Variants in SPATA13 observed in about 807,000 individuals in gnomAD.
SPATA13 encodes spermatogenesis associated 13, also known as spermatogenesis-associated protein 13.
Under a neutral mutation model 104.0 loss-of-function variants are expected in SPATA13, and 50 were observed. The observed-to-expected ratio is 0.48, with a 90% CI of 0.38 to 0.61. The LOEUF is 0.61. Among genes scored for constraint, SPATA13 ranks in the 20% least tolerant of loss-of-function variants. The probability of loss-of-function intolerance (pLI) is 0.00; values close to 1 mark genes in which losing one functional copy is unlikely to be tolerated. For synonymous variants in SPATA13, 606 were observed against 667.5 expected (o/e 0.91, Z 1.42); for missense variants, 1,524 against 1,690.6 (o/e 0.90, Z 1.73).
chr13:24,123,920 T>G, intron 3 of SPATA13: 1 of 590,686 alleles, frequency 1.7e-6, no homozygotes. Context: ...CCTAACTCAT[T>G]TCCTCTTTCA....
intron 4 of SPATA13, among the ~76,000 whole-genome samples, chr13:24,270,437 T>A (rs1874518609): frequency 6.6e-6 from 1 of 152,236 alleles, no homozygotes; most frequent in Non-Finnish European, 1.5e-5. Context: ...TGTGCTTTTC[T>A]CTTGTGAAAT....
chr13:24,140,930 C>T (rs762348645), intron 3 of SPATA13, among the ~76,000 whole-genome samples: 49 of 152,202 alleles, frequency 3.2e-4, no homozygotes, highest in Non-Finnish European at 5.6e-4. Flanking sequence ...AACGCCAGCA[C>T]TTTGGGATTA....
At chr13:24,103,361 C>A (rs1374744525) in intron 3 of SPATA13, among the ~76,000 whole-genome samples, 2 of 151,296 alleles carry the variant, frequency 1.3e-5, no homozygotes, top group Admixed American at 6.6e-5. Flanking sequence ...TGGCTTGCAC[C>A]TTAATCTCAG....
At chr13:24,080,401 G>A (rs1327348902) in intron 3 of SPATA13, among the ~76,000 whole-genome samples, 7 of 152,224 alleles carry the variant, frequency 4.6e-5, no homozygotes, top group Non-Finnish European at 7.3e-5. Flanking sequence ...AGCTTTGGCG[G>A]CTTGGGCCCA....
chr13:24,040,240 C>T (rs2137727627), intron 3 of SPATA13, among the ~76,000 whole-genome samples: 1 of 152,280 alleles, frequency 6.6e-6, no homozygotes, highest in African/African-American at 2.4e-5. Flanking sequence ...AGGGAGATGA[C>T]CTCCACTGAG....
At chr13:24,174,713 A>C (rs1256448816) in intron 1 of SPATA13, among the ~76,000 whole-genome samples, 1 of 152,136 alleles carries the variant, frequency 6.6e-6, no homozygotes, top group East Asian at 1.9e-4. Context: ...AGTAGCTGGG[A>C]CTACAGGTGT....
intron 3 of SPATA13, among the ~76,000 whole-genome samples, chr13:24,058,911 C>A (rs4770563): frequency 0.49 from 74,515 of 151,368 alleles, 20,352 homozygotes; most frequent in East Asian, 0.66. Flanking sequence ...GATGCCAACT[C>A]TGTCTCATGT....
At chr13:24,048,287 A>C (rs1377894476) in intron 3 of SPATA13, among the ~76,000 whole-genome samples, 2 of 152,058 alleles carry the variant, frequency 1.3e-5, no homozygotes, top group African/African-American at 4.8e-5. Flanking sequence ...TGACTGTTGC[A>C]TTTTTAGCAT....
intron 3 of SPATA13, among the ~76,000 whole-genome samples, chr13:24,139,805 C>T (rs1035476962): frequency 1.3e-5 from 2 of 152,088 alleles, no homozygotes; most frequent in Non-Finnish European, 2.9e-5. Flanking sequence ...CGGTGGCTCA[C>T]GTCTGTAATC....
intron 3 of SPATA13, among the ~76,000 whole-genome samples, chr13:24,057,520 C>G (rs1222848080): frequency 6.6e-6 from 1 of 152,156 alleles, no homozygotes; most frequent in African/African-American, 2.4e-5. Context: ...GTGGGATGTT[C>G]TGCATGAATG....
At chr13:24,136,807 G>T (rs1351200482) in intron 3 of SPATA13, among the ~76,000 whole-genome samples, 1 of 152,118 alleles carries the variant, frequency 6.6e-6, no homozygotes, top group Non-Finnish European at 1.5e-5. Flanking sequence ...ATGCAAATTT[G>T]ATTAAATATG....
chr13:23,984,874 T>C (rs1875076879), intron 2 of SPATA13, among the ~76,000 whole-genome samples: 1 of 152,198 alleles, frequency 6.6e-6, no homozygotes, highest in African/African-American at 2.4e-5. Flanking sequence ...GCTTTGAACA[T>C]GAATGCAAGT....
At chr13:24,091,909 T>G (rs2137791835) in intron 3 of SPATA13, among the ~76,000 whole-genome samples, 1 of 152,296 alleles carries the variant, frequency 6.6e-6, no homozygotes, top group South Asian at 2.1e-4. Flanking sequence ...TCATGGCTGC[T>G]AGGCTGCTGT....
At chr13:24,125,154 C>T (rs1176959385) in intron 3 of SPATA13, among the ~76,000 whole-genome samples, 1 of 152,210 alleles carries the variant, frequency 6.6e-6, no homozygotes, top group Admixed American at 6.5e-5. Context: ...TCTGCTCCCG[C>T]ATAACATCAG....
At position 24,051,825 on chromosome 13, in the gene SPATA13, G is replaced by A. The variant is rs544899915; in HGVS notation, c.-112+34124G>A. 2.0e-5 allele frequency among the ~76,000 whole-genome samples: 3 copies of A among 152,278 alleles called. No individual in the cohort carries two copies. The highest frequency in any genetic ancestry group is 1.9e-4 in the East Asian group (1 of 5,180). On this transcript the variant is annotated intron_variant, in intron 3 of 14. Transcript: ENST00000424834. This position sits in a 1 kb window ranked among gnomAD's most constrained non-coding sequence, Gnocchi z 4.2. ...TAAGAGTTATGTTCTCCAGGGCAGGGCAGAGGGAGATGCCCAAGGGACAGA... is the reference window on the plus strand; with the variant it reads ...TAAGAGTTATGTTCTCCAGGGCAGGACAGAGGGAGATGCCCAAGGGACAGA...
intron 1 of SPATA13, among the ~76,000 whole-genome samples, chr13:24,218,841 G>A (rs1354796468): frequency 6.6e-6 from 1 of 151,802 alleles, no homozygotes; most frequent in East Asian, 1.9e-4. Flanking sequence ...TACATGATGA[G>A]TATATTACAA....
At chr13:24,083,717 T>C (rs957979049) in intron 3 of SPATA13, among the ~76,000 whole-genome samples, 1 of 152,214 alleles carries the variant, frequency 6.6e-6, no homozygotes, top group Non-Finnish European at 1.5e-5. Flanking sequence ...GGGGAGTCAC[T>C]TTTCAGACAG....
intron 3 of SPATA13, among the ~76,000 whole-genome samples, chr13:24,046,368 C>A (rs959454184): frequency 6.6e-6 from 1 of 150,882 alleles, no homozygotes; most frequent in Admixed American, 6.6e-5. Flanking sequence ...TTATAGCTCA[C>A]TGACACCTCT....
At position 24,236,417 on chromosome 13, in the gene SPATA13, C is replaced by T. The variant is rs970534942; in HGVS notation, c.1653+11835C>T. 2.6e-5 allele frequency among the ~76,000 whole-genome samples: 4 copies of T among 151,830 alleles called. No individual in the cohort carries two copies. In the South Asian group the frequency reaches 8.3e-4, roughly 31 times the overall value. The stretch of plus-strand genomic sequence containing the variant: ...ACCAGCCTGGACAACATGGTGAAAC[C>T]TTGTCTCTACTAAAAATATAAAAAA... On this transcript the variant is annotated intron_variant, in intron 2 of 12. Transcript: ENST00000382108.
Sources: allele counts gnomAD v4.1 joint callset (sites outside exome capture counted in the v4.1 genomes callset), GRCh38; gene constraint gnomAD v4.1.1; non-coding constraint Gnocchi (gnomAD v3.1); transcripts MANE v1.5; gene names NCBI Gene and HGNC (gene_info 2026-07-23, HGNC 2026-07-21).